KCNH7: variants seen among roughly 807,000 people sequenced by gnomAD.
KCNH7 encodes voltage-gated inwardly rectifying potassium channel KCNH7.
Under a neutral mutation model 120.8 loss-of-function variants are expected in KCNH7, and 49 were observed. The observed-to-expected ratio is 0.41, with a 90% CI of 0.32 to 0.51. KCNH7 has a LOEUF of 0.51. Among genes scored for constraint, KCNH7 ranks in the 20% least tolerant of loss-of-function variants. KCNH7 has a pLI of 0.38. For missense variants in KCNH7, 1,097 were observed against 1,446.6 expected (o/e 0.76, Z 3.92); for synonymous variants, 547 against 516.1 (o/e 1.06, Z -0.81).
intron 6 of KCNH7, among the ~76,000 whole-genome samples, chr2:162,469,434 CAAAG>C (rs1405510267): frequency 6.6e-6 from 1 of 152,036 alleles, no homozygotes; most frequent in Non-Finnish European, 1.5e-5. Flanking sequence ...TACCATGTGA[CAAAG>C]GAAGCAGGAG....
rs111304884 is a variant in KCNH7 at position 162,660,024 on chromosome 2, G to A, written c.308-122944C>T. ...AATTTGTGTTTTCTGTTTTTATGTAGTTAGCCTGCCTAGAGGGTTATCAAT... is the reference window on the plus strand; with the variant it reads ...AATTTGTGTTTTCTGTTTTTATGTAATTAGCCTGCCTAGAGGGTTATCAAT... On this transcript the variant is annotated intron_variant, in intron 2 of 15. Transcript: ENST00000332142. Among the ~76,000 whole-genome samples the A allele has an allele frequency of 6.4e-3, 973 of 152,024 alleles. 15 individuals carry two copies. Among genetic ancestry groups the A allele is most frequent in the African/African-American group, 0.022 (917 of 41,478 alleles).
intron 11 of KCNH7, among the ~76,000 whole-genome samples, chr2:162,395,301 A>T (rs1558923999): frequency 6.6e-6 from 1 of 151,816 alleles, no homozygotes; most frequent in East Asian, 1.9e-4. Context: ...AGTACTGCAA[A>T]GAAAAATGTG....
chr2:162,808,002 GTTCT>G (rs1485211434), intron 2 of KCNH7, among the ~76,000 whole-genome samples: 1 of 152,114 alleles, frequency 6.6e-6, no homozygotes, highest in African/African-American at 2.4e-5. Flanking sequence ...CCATTTATCT[GTTCT>G]TTTTTTCTGC....
chr2:162,768,367 T>C (rs1682906227), intron 2 of KCNH7, among the ~76,000 whole-genome samples: 1 of 152,148 alleles, frequency 6.6e-6, no homozygotes, highest in African/African-American at 2.4e-5. Context: ...CTTTATGTTT[T>C]ACCACATGGA....
intron 2 of KCNH7, chr2:162,797,221 A>C (rs975974376): frequency 1.3e-5 from 2 of 152,062 alleles, no homozygotes; most frequent in African/African-American, 4.8e-5. Flanking sequence ...TCTCAACATG[A>C]TGCTCTGTCA....
intron 2 of KCNH7, among the ~76,000 whole-genome samples, chr2:162,550,415 C>T (rs1692629969): frequency 6.6e-6 from 1 of 152,084 alleles, no homozygotes; most frequent in Non-Finnish European, 1.5e-5. Context: ...CACCAAAAAA[C>T]TGGAGAGGAA....
chr2:162,531,078 T>G (rs1691907427), intron 3 of KCNH7, among the ~76,000 whole-genome samples: 2 of 151,968 alleles, frequency 1.3e-5, no homozygotes, highest in Non-Finnish European at 1.5e-5. Context: ...TTTTACTCTG[T>G]CCAACGCTTC....
chr2:162,374,904 G>A (rs1235686115), intron 14 of KCNH7, among the ~76,000 whole-genome samples: 2 of 152,074 alleles, frequency 1.3e-5, no homozygotes, highest in African/African-American at 4.8e-5. Flanking sequence ...ACTCTGAAAA[G>A]GGAAAAATTG....
intron 2 of KCNH7, among the ~76,000 whole-genome samples, chr2:162,820,215 G>GTGTGTGTT (rs1685067488): frequency 7.7e-6 from 1 of 129,554 alleles, no homozygotes; most frequent in African/African-American, 3.4e-5. Context: ...AATTTTGTGT[G>GTGTGTGTT]TGTGTGTGTG....
chr2:162,830,049 C>T (rs376378159), intron 2 of KCNH7, among the ~76,000 whole-genome samples: 1 of 152,222 alleles, frequency 6.6e-6, no homozygotes, highest in East Asian at 1.9e-4. Context: ...ACAAGGAGCA[C>T]TCTTCAGAGG....
intron 6 of KCNH7, among the ~76,000 whole-genome samples, chr2:162,471,306 C>A (rs1443669386): frequency 3.3e-5 from 5 of 151,432 alleles, no homozygotes; most frequent in African/African-American, 1.2e-4. Context: ...TAGGTGAAGC[C>A]CAGGAATCTG....
At chr2:162,438,414 T>C (rs915263967) in intron 7 of KCNH7, among the ~76,000 whole-genome samples, 5 of 152,116 alleles carry the variant, frequency 3.3e-5, no homozygotes, top group African/African-American at 9.7e-5. Context: ...ATAATGTGCA[T>C]AGTAACATAC....
intron 2 of KCNH7, among the ~76,000 whole-genome samples, chr2:162,717,229 T>C (rs1007512466): frequency 6.6e-6 from 1 of 152,166 alleles, no homozygotes; most frequent in Non-Finnish European, 1.5e-5. Context: ...TCATCTTTTA[T>C]GCAACATGTA....
intron 3 of KCNH7, among the ~76,000 whole-genome samples, chr2:162,534,346 G>A (rs1692033750): frequency 6.6e-6 from 1 of 150,824 alleles, no homozygotes; most frequent in Admixed American, 6.6e-5. Flanking sequence ...TAAGTCTTTG[G>A]GAAAAAAGCT....
chr2:162,757,445 T>C (rs1405275868), intron 2 of KCNH7, among the ~76,000 whole-genome samples: 1 of 152,146 alleles, frequency 6.6e-6, no homozygotes, highest in East Asian at 1.9e-4. Flanking sequence ...GATGAAATAA[T>C]ATAGCTTTTT....
chr2:162,450,029 T>C (rs1053789030), intron 6 of KCNH7, among the ~76,000 whole-genome samples: 2 of 152,120 alleles, frequency 1.3e-5, no homozygotes, highest in Non-Finnish European at 1.5e-5. Flanking sequence ...GTTCTAATCT[T>C]AATGTATTTT....
In KCNH7 at chr2:162,392,028, G is replaced by T. The variant is rs142702060; in HGVS notation, c.2710+2361C>A. Among the ~76,000 whole-genome samples the T allele has an allele frequency of 6.7e-3, 1,020 of 152,070 alleles. 8 individuals carry two copies. Among genetic ancestry groups the T allele is most frequent in the African/African-American group, 0.024 (980 of 41,522 alleles). On this transcript the variant is annotated intron_variant, in intron 12 of 15. Transcript: ENST00000332142. Reference sequence around the variant, plus strand: ...GGAATCAATAATTAGTCCAATTCAAGAAATATTTATCAACCATTCTTTGCT... The same window carrying T: ...GGAATCAATAATTAGTCCAATTCAATAAATATTTATCAACCATTCTTTGCT...
chr2:162,792,588 T>C (rs1683987133), intron 2 of KCNH7, among the ~76,000 whole-genome samples: 1 of 152,032 alleles, frequency 6.6e-6, no homozygotes, highest in Non-Finnish European at 1.5e-5. Flanking sequence ...TATAATATTA[T>C]CTGGTGGTTG....
At chr2:162,623,543 T>A (rs1683436993) in intron 2 of KCNH7, among the ~76,000 whole-genome samples, 1 of 152,150 alleles carries the variant, frequency 6.6e-6, no homozygotes, top group African/African-American at 2.4e-5. Flanking sequence ...AAAACACCGA[T>A]GTAATTAAAG....
Sources: allele counts gnomAD v4.1 joint callset (sites outside exome capture counted in the v4.1 genomes callset), GRCh38; gene constraint gnomAD v4.1.1; transcripts MANE v1.5; gene names NCBI Gene and HGNC (gene_info 2026-07-23, HGNC 2026-07-21).